Variants in TTC17 observed in about 807,000 individuals in gnomAD.
TTC17 encodes tetratricopeptide repeat domain 17.
In TTC17, 58 loss-of-function variants were observed where a neutral mutation model predicts 143.8. The ratio of observed to expected loss-of-function variants is 0.40; its 90% confidence interval spans 0.33 to 0.50. The LOEUF is 0.50. TTC17 is among the 20% of genes least tolerant of loss of function. TTC17 has a pLI of 0.49. For missense variants in TTC17, 1,273 were observed against 1,392.5 expected (o/e 0.91, Z 1.37); for synonymous variants, 501 against 497.8 (o/e 1.01, Z -0.09).
chr11:43,397,188 T>A, intron 6 of TTC17, 159 bp from the exon 7 acceptor site: 1 of 739,304 alleles, frequency 1.4e-6, no homozygotes, highest in Non-Finnish European at 2.1e-6. Context: ...AATTTGTAGC[T>A]ATCAGATTAA....
intron 21 of TTC17, among the ~76,000 whole-genome samples, chr11:43,468,554 A>G (rs915173452): frequency 1.3e-5 from 2 of 152,222 alleles, no homozygotes; most frequent in African/African-American, 4.8e-5. Context: ...AAAACATAAG[A>G]TGTTCTCTTT....
intron 19 of TTC17, chr11:43,448,782 G>C (rs961440878): frequency 6.6e-6 from 1 of 152,150 alleles, no homozygotes; most frequent in African/African-American, 2.4e-5. Context: ...ACCCATGCTC[G>C]GGAAAACTAA....
At chr11:43,382,718 A>G (rs911151948) in intron 2 of TTC17, among the ~76,000 whole-genome samples, 2 of 152,190 alleles carry the variant, frequency 1.3e-5, no homozygotes, top group Non-Finnish European at 2.9e-5. Context: ...ACTGCCAAAG[A>G]AGTCCATGAC....
intron 16 of TTC17, 67 bp downstream of exon 16, chr11:43,414,843 C>A: frequency 6.6e-7 from 1 of 1,504,066 alleles, no homozygotes; most frequent in Non-Finnish European, 9.0e-7. Context: ...ATCAAAAGAA[C>A]ACAGAAAATG....
At chr11:43,414,930 C>T (rs776962573) in intron 16 of TTC17, among the ~76,000 whole-genome samples, 154 bp downstream of exon 16, 19 of 152,172 alleles carry the variant, frequency 1.2e-4, no homozygotes, top group Non-Finnish European at 1.5e-5. Flanking sequence ...TAATTCCTTA[C>T]TTACTATAGA....
chr11:43,467,710 A>G (rs1948004633), intron 21 of TTC17, among the ~76,000 whole-genome samples: 2 of 152,226 alleles, frequency 1.3e-5, no homozygotes, highest in South Asian at 4.1e-4. Context: ...TCACAGCAGA[A>G]AAGATGAAAG....
At chr11:43,469,495 C>G (rs920016893) in intron 21 of TTC17, among the ~76,000 whole-genome samples, 5 of 152,108 alleles carry the variant, frequency 3.3e-5, no homozygotes, top group African/African-American at 1.2e-4. Context: ...AATAGGTAAA[C>G]AGTGGTCTAT....
At chr11:43,399,818 T>TG (rs1857771800) in intron 8 of TTC17, 70 bp from the exon 9 acceptor site, 3 of 1,469,556 alleles carry the variant, frequency 2.0e-6, no homozygotes, top group Admixed American at 2.3e-5. Context: ...GAAAAATCTG[T>TG]GCATTTAAGT....
At position 43,404,008 on chromosome 11, in the gene TTC17, A is replaced by T; in HGVS notation, c.1343A>T (p.Asp448Val). The change falls in exon 11 of 24, where the codon GAT becomes GTT. Residue 448 changes from aspartate to valine, a missense_variant. Asp to Val is a radical substitution (Grantham distance 152). Around this residue, in one of 3 missense-constraint regions of TTC17, gnomAD observed 878 missense variants for 899.8 expected, o/e 0.98. Transcript: ENST00000039989. Reference protein sequence around the residue: ...ENVDYVQFGEDSSTSSMMSVN... With the variant: ...ENVDYVQFGEVSSTSSMMSVN... ...TGTTTCATTTTCTAGTTTGGTGAGG[A>T]TTCATCAACCTCCAGTATGATGTCT... The T allele has an allele frequency of 6.2e-7, 1 of 1,604,084 alleles. No homozygotes were observed. Among genetic ancestry groups the T allele is most frequent in the Non-Finnish European group, 8.5e-7 (1 of 1,176,298 alleles).
intron 21 of TTC17, among the ~76,000 whole-genome samples, chr11:43,459,288 C>G (rs1439614387): frequency 6.6e-6 from 1 of 152,174 alleles, no homozygotes; most frequent in Non-Finnish European, 1.5e-5. Flanking sequence ...TCCCCCAATT[C>G]CAGGGGTAGG....
At chr11:43,408,020 C>T (rs1327553177) in intron 15 of TTC17, among the ~76,000 whole-genome samples, 1 of 152,110 alleles carries the variant, frequency 6.6e-6, no homozygotes, top group South Asian at 2.1e-4. Flanking sequence ...TAAATAGATA[C>T]ATTGATTTTC....
At position 43,482,749 on chromosome 11, in the gene TTC17, A is replaced by G. The variant is rs931299476; in HGVS notation, c.3031-7490A>G. ...TCTTTACTGATTTTTCTGGTCTTCT[A>G]TAAGTTATTGAGAGGCTAATTCAAC... On this transcript the variant is annotated intron_variant, in intron 21 of 23. Coordinates refer to ENST00000039989, the MANE Select transcript of TTC17 (RefSeq NM_018259.6). Among the ~76,000 whole-genome samples the G allele has an allele frequency of 3.3e-5, 5 of 152,156 alleles. 1 individual carries two copies. The highest frequency in any genetic ancestry group is 1.2e-4 in the African/African-American group (5 of 41,448).
At chr11:43,408,209 G>T (rs1858235070) in intron 15 of TTC17, among the ~76,000 whole-genome samples, 1 of 152,090 alleles carries the variant, frequency 6.6e-6, no homozygotes, top group Non-Finnish European at 1.5e-5. Context: ...CAATTAAATT[G>T]ATTTTATACC....
intron 21 of TTC17, among the ~76,000 whole-genome samples, chr11:43,483,616 CTATG>C (rs1409792311): frequency 6.6e-6 from 1 of 152,038 alleles, no homozygotes; most frequent in Admixed American, 6.6e-5. Flanking sequence ...AGGAAAAAAA[CTATG>C]AAATCATTTC....
rs145898420 is a variant in TTC17 at position 43,455,130 on chromosome 11, T to C, written c.3030+3865T>C. The stretch of plus-strand genomic sequence containing the variant: ...CTAACAATATAAAAGCCCTCCTACC[T>C]GGAAATTCTAAAACATGTCATTTAA... On this transcript the variant is annotated intron_variant, in intron 21 of 23. Transcript: ENST00000039989. Among the ~76,000 whole-genome samples, 512 of 151,652 alleles carry C rather than the reference T, an allele frequency of 3.4e-3. 5 individuals carry two copies. The highest frequency in any genetic ancestry group is 4.8e-3 in the Non-Finnish European group (327 of 67,762).
In TTC17 at chr11:43,494,085, C is replaced by T; in HGVS notation, c.*181C>T. 2 of 807,502 alleles carry T rather than the reference C, an allele frequency of 2.5e-6. No homozygotes were observed. Among genetic ancestry groups the T allele is most frequent in the Non-Finnish European group, 1.8e-6 (1 of 550,016 alleles). The allele number at this position is 807,502 out of a possible 1,614,324, so 50.0% of individuals were successfully genotyped here. On this transcript the variant is annotated 3_prime_UTR_variant, in exon 24 of 24. Coordinates refer to ENST00000039989, the MANE Select transcript of TTC17 (RefSeq NM_018259.6). ...TTGTTTTTACGTTTCTCCTTTCCCC[C>T]AACCAACCTCAGAAGAGGCACCTTC... is the stretch of plus-strand genomic sequence containing the variant.
At chr11:43,472,061 TA>T (rs1360246287) in intron 21 of TTC17, among the ~76,000 whole-genome samples, 1 of 152,192 alleles carries the variant, frequency 6.6e-6, no homozygotes, top group African/African-American at 2.4e-5. Flanking sequence ...AAACAAATTT[TA>T]AAAAGATATA....
In TTC17 at chr11:43,389,780, A is replaced by G. The variant is rs778844575; in HGVS notation, c.378A>G (p.Leu126=). 1.9e-6 allele frequency: 3 copies of G among 1,613,372 alleles called. No individual in the cohort carries two copies. Among genetic ancestry groups the G allele is most frequent in the East Asian group, 2.2e-5 (1 of 44,864 alleles). The change falls in exon 3 of 24, where the codon CTA becomes CTG. Residue 126 remains leucine (L), a synonymous_variant. Transcript: ENST00000039989. ...KAKVPLGDLD[L]YDGTYITLES... The stretch of plus-strand genomic sequence containing the variant: ...AGGTGCCCTTAGGGGACCTGGATCT[A>G]TATGATGGCACATACATAACTTTGG...
intron 21 of TTC17, among the ~76,000 whole-genome samples, chr11:43,461,300 C>A (rs983208745): frequency 1.2e-4 from 17 of 145,158 alleles, no homozygotes; most frequent in African/African-American, 4.3e-4. Context: ...AGGAGAATGG[C>A]GTGAACCCGG....
Sources: gnomAD v4.1 joint callset for allele counts (sites outside exome capture counted in the v4.1 genomes callset) on GRCh38, gnomAD v4.1.1 for gene constraint, gnomAD v4.1.1 regional missense constraint, MANE v1.5 for transcripts, NCBI Gene and HGNC (gene_info 2026-07-23, HGNC 2026-07-21) for gene names.